TENM1: variants seen among roughly 807,000 people sequenced by gnomAD.
TENM1 encodes teneurin transmembrane protein 1.
A neutral mutation model predicts 174.8 loss-of-function variants in TENM1; 35 were observed. The observed-to-expected ratio is 0.20, with a 90% CI of 0.15 to 0.27. The LOEUF is 0.27. Ranked by LOEUF, TENM1 falls within the 10% of genes least tolerant of loss-of-function variation. The pLI is 1.00. For missense variants in TENM1, 1,633 were observed against 2,130.1 expected, an observed-to-expected ratio of 0.77 and a Z score of 4.59; for synonymous variants, 781 against 798.7, an observed-to-expected ratio of 0.98 and a Z score of 0.37.
At chrX:124,660,616 A>G (rs2051575934) in intron 6 of TENM1, among the ~76,000 whole-genome samples, 1 of 112,019 alleles carries the variant, frequency 8.9e-6, no homozygotes, top group Admixed American at 9.4e-5. Context: ...TAAGAACAGT[A>G]AATGAAGCTT....
Position 124,963,779 on chromosome X carries a change from T to A in TENM1, c.-26A>T. ...CTCTGATTAAGCAAGCTCAGTTTCATGAAAAAAAGGATGAGGAAGTCCTTT... is the reference window on the plus strand; with the variant it reads ...CTCTGATTAAGCAAGCTCAGTTTCAAGAAAAAAAGGATGAGGAAGTCCTTT... On this transcript the variant is annotated 5_prime_UTR_variant, in exon 1 of 32. It removes an upstream start codon present in the reference 5' UTR. Transcript: ENST00000422452. 1.7e-6 allele frequency: 2 copies of A among 1,156,606 alleles called. No homozygotes were observed. The highest frequency in any genetic ancestry group is 1.8e-5 in the African/African-American group (1 of 56,100).
rs142781409 is a variant in TENM1 at position 124,497,198 on chromosome X, T to C, written c.3513A>G (p.Ile1171Met). The change falls in exon 20 of 32, where the codon ATA becomes ATG. Residue 1171 changes from isoleucine to methionine, a missense_variant. By Grantham distance (10) the Ile-to-Met change is conservative (BLOSUM62 1). Transcript: ENST00000422452. ...CACTCCTTTGGTGTCCATTACCCAT[T>C]ATGGTTGATATGACTGGGGGCTGCT... 50 of 1,206,300 alleles carry C rather than the reference T, an allele frequency of 4.1e-5. No individual in the cohort carries two copies. In the African/African-American group the frequency reaches 8.3e-4, roughly 20 times the overall value.
At chrX:124,826,781 C>G in intron 3 of TENM1, among the ~76,000 whole-genome samples, 1 of 111,534 alleles carries the variant, frequency 9.0e-6, no homozygotes, top group Non-Finnish European at 1.9e-5. Flanking sequence ...CATCTATTTT[C>G]TCAAAAATTA....
chrX:125,115,363 A>T, the TENM1 span, among the ~76,000 whole-genome samples: 1 of 111,709 alleles, frequency 9.0e-6, no homozygotes, highest in African/African-American at 3.3e-5. Context: ...ACTCCTATTC[A>T]ACATAGTATT....
chrX:124,755,546 G>A (rs1433466545), intron 3 of TENM1, among the ~76,000 whole-genome samples: 1 of 110,205 alleles, frequency 9.1e-6, no homozygotes, highest in African/African-American at 3.3e-5. Context: ...GTTAGCTGGT[G>A]ATTTTGCTCG....
At chrX:124,988,503 C>T in the TENM1 span, among the ~76,000 whole-genome samples, 1 of 111,830 alleles carries the variant, frequency 8.9e-6, no homozygotes, top group Non-Finnish European at 1.9e-5. Flanking sequence ...AAAGTTCTTA[C>T]ACTGTTTCAG....
chrX:124,393,682 G>A (rs1243727887), intron 27 of TENM1, among the ~76,000 whole-genome samples: 2 of 111,761 alleles, frequency 1.8e-5, no homozygotes, highest in Non-Finnish European at 3.8e-5. Flanking sequence ...TTGCAAAAAT[G>A]GTAGAGTTGC....
chrX:124,778,039 C>A (rs2054823356), intron 3 of TENM1, among the ~76,000 whole-genome samples: 1 of 113,180 alleles, frequency 8.8e-6, no homozygotes, highest in South Asian at 3.6e-4. Flanking sequence ...GCTGACCCCT[C>A]TTGTACTGTC....
the TENM1 span, among the ~76,000 whole-genome samples, chrX:125,158,421 A>G: frequency 9.3e-6 from 1 of 107,091 alleles, no homozygotes; most frequent in Non-Finnish European, 1.9e-5. Flanking sequence ...AAAAAAAAAA[A>G]AAAGCAAAAT....
chrX:124,806,185 C>T (rs748474121), intron 3 of TENM1, among the ~76,000 whole-genome samples: 13 of 109,888 alleles, frequency 1.2e-4, no homozygotes, highest in East Asian at 2.9e-4. Flanking sequence ...ATGAAAAAAA[C>T]GCAATAGAGA....
intron 7 of TENM1, among the ~76,000 whole-genome samples, chrX:124,653,357 G>T (rs5958548): frequency 0.11 from 12,363 of 110,869 alleles, 1,446 homozygotes; most frequent in African/African-American, 0.35. Context: ...TTTAAAGGGT[G>T]TGTCTTAAAC....
chrX:124,802,719 C>T (rs2055488389), intron 3 of TENM1, among the ~76,000 whole-genome samples: 1 of 112,106 alleles, frequency 8.9e-6, no homozygotes, highest in Non-Finnish European at 1.9e-5. Context: ...CCTCTGATTG[C>T]TGCTGGTTTT....
chrX:124,900,830 T>G (rs781425396), intron 1 of TENM1, among the ~76,000 whole-genome samples: 10 of 107,251 alleles, frequency 9.3e-5, no homozygotes, highest in Non-Finnish European at 1.9e-4. Flanking sequence ...TTGCTCTTGT[T>G]GTTCAGGCTG....
intron 1 of TENM1, among the ~76,000 whole-genome samples, chrX:124,950,001 C>T (rs2058459030): frequency 9.1e-6 from 1 of 110,254 alleles, no homozygotes; most frequent in Non-Finnish European, 1.9e-5. Context: ...CCAAAGGCAC[C>T]CTTGATGGAG....
chrX:125,002,923 T>C, the TENM1 span, among the ~76,000 whole-genome samples: 937 of 111,899 alleles, frequency 8.4e-3, 1 homozygote, highest in Non-Finnish European at 0.013. Context: ...TTCCATGGGA[T>C]TTGTTAAATG....
the TENM1 span, among the ~76,000 whole-genome samples, chrX:125,192,653 T>C: frequency 8.9e-6 from 1 of 111,815 alleles, no homozygotes; most frequent in Admixed American, 9.5e-5. Flanking sequence ...TGTTAATTGG[T>C]TGGGTGTCAG....
chrX:125,142,287 C>A, the TENM1 span, among the ~76,000 whole-genome samples: 82 of 111,551 alleles, frequency 7.4e-4, no homozygotes, highest in African/African-American at 2.5e-3. Context: ...ATAGCTGACA[C>A]CCCAATTTTG....
rs980488593 is a variant in TENM1, at chrX:124,908,309, C to T, written c.218-12068G>A. ...CATGCATTAGGTATTTGCCCTAATGCTCTCCCTCCTCTAGCCCCCTACCTC... is the reference window on the plus strand; with the variant it reads ...CATGCATTAGGTATTTGCCCTAATGTTCTCCCTCCTCTAGCCCCCTACCTC... On this transcript the variant is annotated intron_variant, in intron 1 of 31. Coordinates refer to ENST00000422452, the Ensembl canonical transcript of TENM1. Among the ~76,000 whole-genome samples the T allele has an allele frequency of 9.0e-5, 10 of 111,130 alleles. No individual in the cohort carries two copies. The East Asian group carries it at 2.6e-3, about 28-fold the overall frequency.
the TENM1 span, among the ~76,000 whole-genome samples, chrX:125,028,008 C>T: frequency 6.3e-5 from 7 of 111,576 alleles, no homozygotes; most frequent in Non-Finnish European, 1.1e-4. Flanking sequence ...TCACATACTG[C>T]TAGTAGAAGT....
Sources: allele counts gnomAD v4.1 joint callset (sites outside exome capture counted in the v4.1 genomes callset), GRCh38; gene constraint gnomAD v4.1.1; transcripts MANE v1.5; gene names NCBI Gene and HGNC (gene_info 2026-07-23, HGNC 2026-07-21).